Variants in CTNNA3 observed in about 807,000 individuals in gnomAD.
The protein encoded by CTNNA3 is catenin alpha 3, also known as catenin alpha-3.
Under a neutral mutation model 95.7 loss-of-function variants are expected in CTNNA3, and 76 were observed. That is an observed-to-expected ratio of 0.79 (90% CI 0.66 to 0.96). CTNNA3 has a LOEUF of 0.96. Ranked by LOEUF, CTNNA3 falls within the 40% of genes least tolerant of loss-of-function variation. CTNNA3 has a pLI of 0.00. For missense variants in CTNNA3, 1,191 were observed against 1,089.8 expected, an observed-to-expected ratio of 1.09 and a Z score of -1.31; for synonymous variants, 431 against 374.4, an observed-to-expected ratio of 1.15 and a Z score of -1.74.
At chr10:67,213,322 GT>G (rs1164610863) in intron 6 of CTNNA3, among the ~76,000 whole-genome samples, 2 of 151,530 alleles carry the variant, frequency 1.3e-5, no homozygotes, top group South Asian at 4.2e-4. Flanking sequence ...CTTACATGCT[GT>G]TTTTTGTCTG....
In CTNNA3 at chr10:67,177,076, T is replaced by C. The variant is rs1456596299; in HGVS notation, c.1047+3241A>G. The C allele has an allele frequency of 2.1e-5, 9 of 420,548 alleles. No individual in the cohort carries two copies. In the East Asian group the frequency reaches 5.6e-4, roughly 26 times the overall value. The allele number at this position is 420,548 out of a possible 1,614,324, so 26.1% of individuals were successfully genotyped here. A position where few individuals can be genotyped will look rare whatever the true frequency, so the allele number is the denominator to read the frequency against. On this transcript the variant is annotated intron_variant, in intron 7 of 17. Transcript: ENST00000433211. Reference sequence around the variant, plus strand: ...AAAACTAACCAAACATATATACATATGTATCCACTCATATAAATTTAACAG... The same window carrying C: ...AAAACTAACCAAACATATATACATACGTATCCACTCATATAAATTTAACAG...
intron 5 of CTNNA3, among the ~76,000 whole-genome samples, chr10:67,454,332 A>G (rs1847091612): frequency 6.6e-6 from 1 of 152,144 alleles, no homozygotes; most frequent in Non-Finnish European, 1.5e-5. Flanking sequence ...AGTTCAATTC[A>G]CAACTGAGCT....
chr10:65,995,653 C>A (rs1042374361), intron 15 of CTNNA3, among the ~76,000 whole-genome samples: 3 of 152,138 alleles, frequency 2.0e-5, no homozygotes, highest in Non-Finnish European at 4.4e-5. Context: ...CTGGCAGTGG[C>A]AGTATTGGGC....
At chr10:67,530,427 A>G (rs986253622) in intron 4 of CTNNA3, among the ~76,000 whole-genome samples, 4 of 152,186 alleles carry the variant, frequency 2.6e-5, no homozygotes, top group African/African-American at 9.6e-5. Flanking sequence ...ACTGGAGCAA[A>G]GGTGACTCTT....
intron 7 of CTNNA3, among the ~76,000 whole-genome samples, chr10:66,852,455 A>G (rs1028420748): frequency 6.6e-6 from 1 of 152,196 alleles, no homozygotes; most frequent in South Asian, 2.1e-4. Context: ...CAAGAATAAA[A>G]CATAAATGCC....
chr10:65,967,450 A>C (rs532302556), intron 16 of CTNNA3, among the ~76,000 whole-genome samples: 2 of 152,278 alleles, frequency 1.3e-5, no homozygotes, highest in African/African-American at 4.8e-5. Context: ...CTTGAGACTC[A>C]TGGTCTCTAC....
chr10:67,228,643 T>C (rs1865046089), intron 5 of CTNNA3, among the ~76,000 whole-genome samples: 2 of 151,798 alleles, frequency 1.3e-5, no homozygotes, highest in African/African-American at 2.4e-5. Flanking sequence ...ACAGGAGATA[T>C]TACAACTGAT....
intron 17 of CTNNA3, among the ~76,000 whole-genome samples, chr10:65,941,674 C>T (rs576576699): frequency 1.3e-5 from 2 of 152,244 alleles, no homozygotes; most frequent in Admixed American, 1.3e-4. Flanking sequence ...CTGGTTAGTT[C>T]CACTGACTGC....
At chr10:66,683,076 A>T (rs1335468221) in intron 9 of CTNNA3, among the ~76,000 whole-genome samples, 1 of 152,158 alleles carries the variant, frequency 6.6e-6, no homozygotes, top group Non-Finnish European at 1.5e-5. Flanking sequence ...CCACCCGTCA[A>T]ATAAAGCTTG....
intron 15 of CTNNA3, among the ~76,000 whole-genome samples, chr10:66,068,546 T>C (rs1275303019): frequency 6.6e-6 from 1 of 152,184 alleles, no homozygotes; most frequent in Non-Finnish European, 1.5e-5. Flanking sequence ...TTTTGGGGTA[T>C]AAATGAATGT....
intron 6 of CTNNA3, among the ~76,000 whole-genome samples, chr10:67,206,230 C>A (rs1436644898): frequency 6.6e-6 from 1 of 152,134 alleles, no homozygotes; most frequent in Non-Finnish European, 1.5e-5. Context: ...GAATAGTTAT[C>A]ATTTATCTTG....
intron 15 of CTNNA3, among the ~76,000 whole-genome samples, chr10:66,035,961 C>G (rs1177863561): frequency 3.9e-5 from 6 of 152,062 alleles, no homozygotes; most frequent in Admixed American, 3.9e-4. Context: ...TTATCTTTTA[C>G]TTTATATATA....
chr10:66,038,317 T>G (rs2079609515), intron 15 of CTNNA3, among the ~76,000 whole-genome samples: 1 of 152,194 alleles, frequency 6.6e-6, no homozygotes, highest in Admixed American at 6.5e-5. Flanking sequence ...CAACATGCAT[T>G]CCAGTGGCAA....
chr10:66,395,463 A>T (rs1351564760), intron 11 of CTNNA3, among the ~76,000 whole-genome samples: 2 of 152,060 alleles, frequency 1.3e-5, no homozygotes, highest in African/African-American at 4.8e-5. Context: ...TGTTTTTATC[A>T]TATGTAAATT....
At chr10:67,699,103 T>G (rs1347103611), upstream of CTNNA3, among the ~76,000 whole-genome samples, 1 of 152,132 alleles carries the variant, frequency 6.6e-6, no homozygotes, top group African/African-American at 2.4e-5. Context: ...CCCTCACCTT[T>G]TCAAGGACTC....
intron 7 of CTNNA3, among the ~76,000 whole-genome samples, chr10:66,948,134 T>C (rs1295202477): frequency 2.0e-5 from 3 of 152,216 alleles, no homozygotes; most frequent in Non-Finnish European, 2.9e-5. Flanking sequence ...TAGTCCCTCA[T>C]TGGCCACAAC....
chr10:66,882,573 T>C (rs777069197), intron 7 of CTNNA3, among the ~76,000 whole-genome samples: 1 of 152,128 alleles, frequency 6.6e-6, no homozygotes. Flanking sequence ...CAAAGCAACA[T>C]GGTATCATTT....
chr10:66,056,388 A>G (rs185862795), intron 15 of CTNNA3, among the ~76,000 whole-genome samples: 47 of 152,250 alleles, frequency 3.1e-4, no homozygotes, highest in African/African-American at 8.7e-4. Context: ...ATCCCTCTCA[A>G]TGATGATGAA....
chr10:65,953,439 G>A (rs938242682), intron 17 of CTNNA3, among the ~76,000 whole-genome samples: 1 of 150,924 alleles, frequency 6.6e-6, no homozygotes, highest in Non-Finnish European at 1.5e-5. Context: ...ACAATGTGCA[G>A]GTTTGTTACA....
Sources: gnomAD v4.1 joint callset for allele counts (sites outside exome capture counted in the v4.1 genomes callset) on GRCh38, gnomAD v4.1.1 for gene constraint, MANE v1.5 for transcripts, NCBI Gene and HGNC (gene_info 2026-07-23, HGNC 2026-07-21) for gene names.